The following SLC7A14 variants were observed in gnomAD, a reference collection of about 807,000 sequenced individuals.
The protein encoded by SLC7A14 is solute carrier family 7 member 14, also known as gamma-aminobutyric acid transporter SLC7A14.
In SLC7A14, 37 loss-of-function variants were observed where a neutral mutation model predicts 60.2. The ratio of observed to expected loss-of-function variants is 0.61; its 90% CI spans 0.47 to 0.81. The LOEUF (loss-of-function observed/expected upper bound fraction) is 0.81. SLC7A14 is among the 30% of genes least tolerant of loss of function. The pLI, the probability that SLC7A14 is intolerant of heterozygous loss-of-function variation, is 0.00. For synonymous variants in SLC7A14, 399 were observed against 395.8 expected (o/e 1.01, Z -0.10); for missense variants, 886 against 982.7 (o/e 0.90, Z 1.32).
intron 4 of SLC7A14, among the ~76,000 whole-genome samples, chr3:170,494,827 T>C (rs1712329996): frequency 6.6e-6 from 1 of 152,224 alleles, no homozygotes; most frequent in African/African-American, 2.4e-5. Context: ...AAAGGAAGTA[T>C]AACATTTTAG....
chr3:170,469,867 T>A (rs1739836089), intron 7 of SLC7A14, among the ~76,000 whole-genome samples: 1 of 152,108 alleles, frequency 6.6e-6, no homozygotes, highest in Non-Finnish European at 1.5e-5. Flanking sequence ...GCCCCAAACG[T>A]CTCTCCTCTG....
At chr3:170,529,586 G>C (rs62293556) in intron 1 of SLC7A14, among the ~76,000 whole-genome samples, 1 of 152,100 alleles carries the variant, frequency 6.6e-6, no homozygotes, top group African/African-American at 2.4e-5. Context: ...GAGGGAGGAG[G>C]CAATACACAG....
intron 7 of SLC7A14, among the ~76,000 whole-genome samples, chr3:170,474,010 C>T (rs902963686): frequency 7.9e-5 from 12 of 152,160 alleles, no homozygotes; most frequent in Non-Finnish European, 1.2e-4. Context: ...TACATGTCCG[C>T]GTGTCCACCA....
chr3:170,515,799 AG>A (rs1182827423), intron 2 of SLC7A14, among the ~76,000 whole-genome samples: 8 of 152,200 alleles, frequency 5.3e-5, no homozygotes, highest in Admixed American at 2.0e-4. Context: ...TGGACTGCTG[AG>A]GGTGAGAGCT....
At chr3:170,566,285 T>C (rs949142991) in intron 1 of SLC7A14, among the ~76,000 whole-genome samples, 9 of 152,180 alleles carry the variant, frequency 5.9e-5, no homozygotes, top group African/African-American at 2.2e-4. Context: ...TTACCGTAAG[T>C]GGAGGAGTCC....
intron 1 of SLC7A14, among the ~76,000 whole-genome samples, chr3:170,528,697 T>G (rs1231698787): frequency 7.2e-5 from 11 of 152,232 alleles, no homozygotes; most frequent in Admixed American, 7.2e-4. Context: ...ACACCTTAGA[T>G]ATCACTATAG....
intron 1 of SLC7A14, among the ~76,000 whole-genome samples, chr3:170,566,913 A>C (rs1314711275): frequency 6.6e-6 from 1 of 151,980 alleles, no homozygotes; most frequent in African/African-American, 2.4e-5. Flanking sequence ...GAAATAGACC[A>C]CCCTGAGAGA....
At chr3:170,502,090 G>A (rs1399158794) in intron 2 of SLC7A14, among the ~76,000 whole-genome samples, 1 of 152,206 alleles carries the variant, frequency 6.6e-6, no homozygotes, top group Non-Finnish European at 1.5e-5. Context: ...AGGGTTTTGA[G>A]GCATATGTAG....
At chr3:170,513,049 G>T (rs114803449) in intron 2 of SLC7A14, among the ~76,000 whole-genome samples, 1 of 152,072 alleles carries the variant, frequency 6.6e-6, no homozygotes, top group African/African-American at 2.4e-5. Context: ...TCTCACCTAC[G>T]TGGTCCTGAT....
At chr3:170,533,695 C>T (rs559369190) in intron 1 of SLC7A14, among the ~76,000 whole-genome samples, 73 of 150,126 alleles carry the variant, frequency 4.9e-4, no homozygotes, top group African/African-American at 1.5e-3. Flanking sequence ...TGTGTGTGCA[C>T]GCACACACAT....
At chr3:170,525,708 G>A (rs781405537) in intron 2 of SLC7A14, among the ~76,000 whole-genome samples, 1 of 152,104 alleles carries the variant, frequency 6.6e-6, no homozygotes, top group Non-Finnish European at 1.5e-5. Context: ...CCATTAGAAC[G>A]TGACAGGGAA....
At chr3:170,531,516 G>C (rs1050079461) in intron 1 of SLC7A14, among the ~76,000 whole-genome samples, 2 of 147,650 alleles carry the variant, frequency 1.4e-5, no homozygotes, top group African/African-American at 5.4e-5. Flanking sequence ...AATGCCCCCT[G>C]GTCCTATTCT....
intron 2 of SLC7A14, among the ~76,000 whole-genome samples, chr3:170,516,566 A>T (rs1452961530): frequency 1.3e-5 from 2 of 151,422 alleles, no homozygotes; most frequent in Non-Finnish European, 2.9e-5. Flanking sequence ...TACAAAAAAA[A>T]AATAATAATA....
Position 170,480,906 on chromosome 3 carries a change from C to G in SLC7A14, c.1376G>C (p.Cys459Ser), listed in dbSNP as rs1711791201. The part of the protein sequence containing the change: ...TKKKEGILAD[C>S]EKEACSPVSE... ...CACAGGAGAACAAGCTTCCTTCTCA[C>G]AGTCAGCCAGAATGCCCTCCTTCTT... is the stretch of plus-strand genomic sequence containing the variant. The change falls in exon 7 of 8, where the codon TGT (cysteine) becomes TCT (serine). Residue 459 changes from cysteine (C) to serine (S), a missense_variant. Transcript: ENST00000231706. 7 of 1,614,068 alleles carry G rather than the reference C, an allele frequency of 4.3e-6. No individual in the cohort carries two copies. Among genetic ancestry groups the G allele is most frequent in the Middle Eastern group, 3.3e-4 (2 of 6,062 alleles).
intron 1 of SLC7A14, among the ~76,000 whole-genome samples, chr3:170,539,414 A>C (rs1450932683): frequency 6.6e-6 from 1 of 151,948 alleles, no homozygotes; most frequent in East Asian, 1.9e-4. Flanking sequence ...TTTCCTCATT[A>C]TCTGCCTATG....
intron 1 of SLC7A14, among the ~76,000 whole-genome samples, chr3:170,529,041 T>C (rs1390628741): frequency 6.6e-6 from 1 of 152,250 alleles, no homozygotes; most frequent in Non-Finnish European, 1.5e-5. Flanking sequence ...CAAATCACAC[T>C]GCAAGTGAGA....
chr3:170,514,466 C>T (rs1713087987), intron 2 of SLC7A14, among the ~76,000 whole-genome samples: 1 of 152,224 alleles, frequency 6.6e-6, no homozygotes, highest in Non-Finnish European at 1.5e-5. Flanking sequence ...AGAAAAAGTA[C>T]TTTGTCATGA....
chr3:170,565,393 T>C (rs900047202), intron 1 of SLC7A14, among the ~76,000 whole-genome samples: 4 of 152,076 alleles, frequency 2.6e-5, no homozygotes, highest in African/African-American at 7.2e-5. Context: ...CAGGCTAAAG[T>C]TAAATAGAGG....
At chr3:170,507,340 A>G (rs1022938732) in intron 2 of SLC7A14, among the ~76,000 whole-genome samples, 2 of 152,216 alleles carry the variant, frequency 1.3e-5, no homozygotes, top group Non-Finnish European at 2.9e-5. Context: ...ATCAGGAAAG[A>G]GTTTAATAAA....
Sources: gnomAD v4.1 joint callset for allele counts (sites outside exome capture counted in the v4.1 genomes callset) on GRCh38, gnomAD v4.1.1 for gene constraint, MANE v1.5 for transcripts, NCBI Gene and HGNC (gene_info 2026-07-23, HGNC 2026-07-21) for gene names.